TSPAN5: variants seen among roughly 807,000 people sequenced by gnomAD.
TSPAN5 encodes the protein tetraspanin-5.
In TSPAN5, 10 loss-of-function variants were observed where a neutral mutation model predicts 37.1. The ratio of observed to expected loss-of-function variants is 0.27; its 90% CI spans 0.17 to 0.46. The LOEUF is 0.46. TSPAN5 is among the 20% of genes least tolerant of loss of function. The pLI, the probability that TSPAN5 is intolerant of heterozygous loss-of-function variation, is 1.00. For synonymous variants in TSPAN5, 110 were observed against 118.9 expected, an observed-to-expected ratio of 0.93 and a Z score of 0.48; for missense variants, 195 against 326.6, an observed-to-expected ratio of 0.60 and a Z score of 3.11.
chr4:98,513,723 GTTTTC>G (rs938926903), intron 1 of TSPAN5, among the ~76,000 whole-genome samples: 2 of 152,040 alleles, frequency 1.3e-5, no homozygotes, highest in Admixed American at 6.6e-5. Flanking sequence ...CTGAAGGACA[GTTTTC>G]TTTTCTGTGT....
intron 1 of TSPAN5, among the ~76,000 whole-genome samples, chr4:98,649,930 T>C (rs2110289459): frequency 6.6e-6 from 1 of 152,348 alleles, no homozygotes. Context: ...ACAGTATATG[T>C]AGACCTAACA....
At chr4:98,651,929 C>T (rs1018410842) in intron 1 of TSPAN5, among the ~76,000 whole-genome samples, 12 of 141,884 alleles carry the variant, frequency 8.5e-5, no homozygotes, top group African/African-American at 2.6e-5. Context: ...AGTGCAGTTG[C>T]AGCCTCAACC....
chr4:98,634,106 A>C (rs1317296999), intron 1 of TSPAN5, among the ~76,000 whole-genome samples: 1 of 152,174 alleles, frequency 6.6e-6, no homozygotes, highest in Non-Finnish European at 1.5e-5. Flanking sequence ...AAAAGAAAAA[A>C]AAAGTGATCA....
chr4:98,518,866 T>G (rs568442157), intron 1 of TSPAN5, among the ~76,000 whole-genome samples: 21 of 152,364 alleles, frequency 1.4e-4, no homozygotes, highest in African/African-American at 4.6e-4. Flanking sequence ...TTTGAGAACC[T>G]CTGGGCTAGA....
At chr4:98,531,198 CTCCTAATGCTA>C (rs918749265) in intron 1 of TSPAN5, among the ~76,000 whole-genome samples, 1 of 152,154 alleles carries the variant, frequency 6.6e-6, no homozygotes, top group African/African-American at 2.4e-5. Flanking sequence ...TTAGGTATTT[CTCCTAATGCTA>C]TCCCTCCCCT....
chr4:98,484,755 A>G lies in TSPAN5; in HGVS notation c.279+1983T>C, dbSNP rs368226236. On this transcript the variant is annotated intron_variant, in intron 3 of 7. Coordinates refer to ENST00000305798, the MANE Select transcript of TSPAN5 (RefSeq NM_005723.4). ...GCAAGGTGGATCACTTGAGGTCCGG[A>G]GTTCAAGACCAGCCTGGCCAACATG... 198 of 351,074 alleles carry G rather than the reference A, an allele frequency of 5.6e-4. 1 individual carries two copies. Among genetic ancestry groups the G allele is most frequent in the African/African-American group, 3.9e-3 (180 of 46,752 alleles). The allele number at this position is 351,074 out of a possible 1,614,324, so 21.7% of individuals were successfully genotyped here.
intron 4 of TSPAN5, 60 bp from the exon 5 acceptor site, chr4:98,478,870 T>G (rs1222399952): frequency 6.3e-7 from 1 of 1,592,440 alleles, no homozygotes; most frequent in Non-Finnish European, 8.5e-7. Context: ...TCACCTACAC[T>G]CACACCCGCC....
At position 98,487,032 on chromosome 4, in the gene TSPAN5, A is replaced by T. The variant is rs2110264635; in HGVS notation, c.133-148T>A. On this transcript the variant is annotated intron_variant, in intron 2 of 7. Coordinates refer to ENST00000305798, the MANE Select transcript of TSPAN5 (RefSeq NM_005723.4). ...CAGGTATGTGATTAATACTTAAGAGAGGAAAGAAAGAGAGAGAGAAAGAGA... is the reference window on the plus strand; with the variant it reads ...CAGGTATGTGATTAATACTTAAGAGTGGAAAGAAAGAGAGAGAGAAAGAGA... The T allele has an allele frequency of 8.7e-6, 5 of 577,208 alleles. No individual in the cohort carries two copies. In the Middle Eastern group the frequency reaches 1.6e-3, roughly 188 times the overall value. The allele number at this position is 577,208 out of a possible 1,614,324, so 35.8% of individuals were successfully genotyped here.
At chr4:98,564,427 G>A (rs1173256982) in intron 1 of TSPAN5, among the ~76,000 whole-genome samples, 1 of 152,120 alleles carries the variant, frequency 6.6e-6, no homozygotes, top group Non-Finnish European at 1.5e-5. Context: ...ACTAATAAAT[G>A]CAATTCTGGC....
intron 1 of TSPAN5, among the ~76,000 whole-genome samples, chr4:98,540,711 A>G (rs1754339547): frequency 6.6e-6 from 1 of 152,178 alleles, no homozygotes; most frequent in East Asian, 1.9e-4. Flanking sequence ...GCTACAGAGC[A>G]AATGTGAGCA....
At chr4:98,634,782 C>G (rs920555586) in intron 1 of TSPAN5, among the ~76,000 whole-genome samples, 3 of 151,222 alleles carry the variant, frequency 2.0e-5, no homozygotes, top group African/African-American at 7.3e-5. Context: ...AGATGAAGAC[C>G]AGAACAGAGT....
intron 1 of TSPAN5, among the ~76,000 whole-genome samples, chr4:98,508,529 T>C (rs1485099069): frequency 1.3e-5 from 2 of 150,034 alleles, no homozygotes; most frequent in South Asian, 2.1e-4. Context: ...TTTCTTTTTT[T>C]TTTTTTTTTT....
chr4:98,487,530 A>G (rs1159570312), intron 2 of TSPAN5, among the ~76,000 whole-genome samples: 1 of 152,016 alleles, frequency 6.6e-6, no homozygotes, highest in Admixed American at 6.6e-5. Flanking sequence ...GAAAACTAAC[A>G]CAGCACCCGG....
intron 1 of TSPAN5, among the ~76,000 whole-genome samples, chr4:98,654,874 G>A (rs2110295688): frequency 6.6e-6 from 1 of 152,310 alleles, no homozygotes; most frequent in Middle Eastern, 3.4e-3. Flanking sequence ...TTGAGACGGA[G>A]TCTTGCTCTG....
At chr4:98,620,103 C>T (rs74645346) in intron 1 of TSPAN5, among the ~76,000 whole-genome samples, 4,820 of 152,162 alleles carry the variant, frequency 0.032, 289 homozygotes, top group African/African-American at 0.11. Flanking sequence ...GTCTATGTCC[C>T]CTCACTCATG....
intron 1 of TSPAN5, among the ~76,000 whole-genome samples, chr4:98,642,207 C>T (rs570191029): frequency 2.6e-5 from 4 of 152,230 alleles, no homozygotes; most frequent in African/African-American, 9.6e-5. Flanking sequence ...GGTTTAGCTT[C>T]CCTAAAAGTA....
At chr4:98,505,573 CT>C (rs1049137684) in intron 2 of TSPAN5, among the ~76,000 whole-genome samples, 1 of 152,232 alleles carries the variant, frequency 6.6e-6, no homozygotes. Flanking sequence ...AAAGAGACTC[CT>C]TTTCCCACCA....
At chr4:98,475,815 C>A (rs1238390658) in intron 7 of TSPAN5, among the ~76,000 whole-genome samples, 1 of 151,932 alleles carries the variant, frequency 6.6e-6, no homozygotes, top group East Asian at 1.9e-4. Context: ...CGGTGAAACC[C>A]CGTCTCTATT....
chr4:98,607,040 C>T (rs115896619), intron 1 of TSPAN5, among the ~76,000 whole-genome samples: 3,219 of 152,098 alleles, frequency 0.021, 118 homozygotes, highest in African/African-American at 0.073. Context: ...AGGGAGCAGC[C>T]GGGGGACCTG....
Sources: gnomAD v4.1 joint callset for allele counts (sites outside exome capture counted in the v4.1 genomes callset) on GRCh38, gnomAD v4.1.1 for gene constraint, MANE v1.5 for transcripts, NCBI Gene and HGNC (gene_info 2026-07-23, HGNC 2026-07-21) for gene names.